MSRA: variants seen among roughly 807,000 people sequenced by gnomAD.
MSRA encodes the protein methionine sulfoxide reductase A.
MSRA carries 54 observed loss-of-function variants against 31.3 expected under a neutral mutation model. The observed-to-expected ratio is 1.73, with a 90% CI of 1.39 to 2.17. MSRA has a LOEUF of 2.17. Ranked by LOEUF, MSRA falls within the 30% of genes most tolerant of loss-of-function variation. The probability of loss-of-function intolerance (pLI) is 0.00; values close to 1 mark genes in which losing one functional copy is unlikely to be tolerated. For synonymous variants in MSRA, 169 were observed against 116.5 expected (o/e 1.45, Z -2.90); for missense variants, 507 against 300.9 (o/e 1.69, Z -5.07).
At chr8:10,109,690 C>G (rs546556532) in intron 1 of MSRA, among the ~76,000 whole-genome samples, 88 of 152,272 alleles carry the variant, frequency 5.8e-4, no homozygotes, top group African/African-American at 2.0e-3. Context: ...TGTTTTGAAA[C>G]TATATCACAC....
At chr8:10,316,527 CCTCTCTCTCTCT>C (rs139421344) in intron 4 of MSRA, among the ~76,000 whole-genome samples, 4,216 of 112,588 alleles carry the variant, frequency 0.037, 100 homozygotes, top group South Asian at 0.073. Flanking sequence ...TTTGATGATC[CCTCTCTCTCTCT>C]CTCTCTCTCT....
chr8:10,188,904 A>G (rs1050706343), intron 1 of MSRA, among the ~76,000 whole-genome samples: 1 of 152,226 alleles, frequency 6.6e-6, no homozygotes, highest in Admixed American at 6.5e-5. Context: ...AATGTCTACA[A>G]AAACCTTTCT....
intron 1 of MSRA, among the ~76,000 whole-genome samples, chr8:10,107,070 G>T (rs762231623): frequency 6.6e-6 from 1 of 152,100 alleles, no homozygotes; most frequent in Non-Finnish European, 1.5e-5. Context: ...ACAGATAACC[G>T]CTGCCATCAC....
chr8:10,076,091 C>G (rs1168133063), intron 1 of MSRA, among the ~76,000 whole-genome samples: 3 of 148,780 alleles, frequency 2.0e-5, no homozygotes, highest in African/African-American at 4.9e-5. Context: ...CATGTGCTTA[C>G]TGGCTGTGTG....
chr8:10,188,255 CT>C (rs1422788267), intron 1 of MSRA, among the ~76,000 whole-genome samples: 3 of 152,218 alleles, frequency 2.0e-5, no homozygotes, highest in East Asian at 1.9e-4. Context: ...ATTGTGTGCA[CT>C]TTTTTTGGTG....
intron 5 of MSRA, among the ~76,000 whole-genome samples, chr8:10,392,890 CAAAAAA>C (rs869085304): frequency 2.4e-3 from 276 of 113,248 alleles, no homozygotes; most frequent in Non-Finnish European, 3.1e-3. Context: ...ACTAAAAATG[CAAAAAA>C]AAAAAAAAAA....
At chr8:10,159,956 G>C in intron 1 of MSRA, among the ~76,000 whole-genome samples, 1 of 152,202 alleles carries the variant, frequency 6.6e-6, no homozygotes, top group South Asian at 2.1e-4. Flanking sequence ...AGTTTCCTTT[G>C]GTTTTCCCCA....
intron 1 of MSRA, among the ~76,000 whole-genome samples, chr8:10,201,258 T>C (rs948124535): frequency 1.3e-5 from 2 of 152,072 alleles, no homozygotes; most frequent in African/African-American, 4.8e-5. Flanking sequence ...TCCAGATCCC[T>C]CAGGAGCATG....
At chr8:10,384,861 G>T (rs909820205) in intron 5 of MSRA, among the ~76,000 whole-genome samples, 2 of 152,116 alleles carry the variant, frequency 1.3e-5, no homozygotes, top group African/African-American at 4.8e-5. Flanking sequence ...AATTAGCTGG[G>T]TGTTGTAGCG....
intron 3 of MSRA, among the ~76,000 whole-genome samples, chr8:10,261,449 A>AT (rs1484736215): frequency 6.6e-6 from 1 of 151,714 alleles, no homozygotes; most frequent in Non-Finnish European, 1.5e-5. Flanking sequence ...TGATCCCAGC[A>AT]TTTTGGGAGG....
At chr8:10,171,182 G>A (rs1039967165) in intron 1 of MSRA, among the ~76,000 whole-genome samples, 9 of 152,198 alleles carry the variant, frequency 5.9e-5, no homozygotes, top group African/African-American at 2.2e-4. Context: ...GAGAAGCTGG[G>A]CCAGATGTAG....
rs578169066 is a variant in MSRA at position 10,329,046 on chromosome 8, T to C, written c.543+9057T>C. Reference sequence around the variant, plus strand: ...AACTCTCTTGACACCGAAGTTGCTATTATGATCGTACAACATTATTTGGTA... The same window carrying C: ...AACTCTCTTGACACCGAAGTTGCTACTATGATCGTACAACATTATTTGGTA... On this transcript the variant is annotated intron_variant, in intron 5 of 5. Coordinates refer to ENST00000317173, the MANE Select transcript of MSRA (RefSeq NM_012331.5). 2.6e-4 allele frequency among the ~76,000 whole-genome samples: 40 copies of C among 152,350 alleles called. No homozygotes were observed. The South Asian group carries it at 8.3e-3, about 32-fold the overall frequency.
intron 5 of MSRA, among the ~76,000 whole-genome samples, chr8:10,405,464 TAAAG>T (rs1357944035): frequency 2.0e-5 from 3 of 152,194 alleles, no homozygotes; most frequent in Admixed American, 6.5e-5. Context: ...GCCAGATTCT[TAAAG>T]AGAGAGAGAG....
chr8:10,294,723 C>T (rs1039177722), intron 3 of MSRA, among the ~76,000 whole-genome samples: 1 of 152,160 alleles, frequency 6.6e-6, no homozygotes, highest in Non-Finnish European at 1.5e-5. Context: ...GCACTGCGGG[C>T]TACAGCAGAG....
intron 1 of MSRA, among the ~76,000 whole-genome samples, chr8:10,123,980 G>A (rs527654063): frequency 2.0e-5 from 3 of 151,842 alleles, no homozygotes; most frequent in Non-Finnish European, 4.4e-5. Context: ...TCAGGGAGGA[G>A]TAGGTGTGAA....
At chr8:10,151,269 A>C (rs796332427) in intron 1 of MSRA, among the ~76,000 whole-genome samples, 2 of 147,800 alleles carry the variant, frequency 1.4e-5, no homozygotes, top group Non-Finnish European at 3.0e-5. Flanking sequence ...CTCAAAAAAA[A>C]AAAAAAAAAA....
In MSRA at chr8:10,283,927, C is replaced by T. The variant is rs138126489; in HGVS notation, c.332-17607C>T. ...TTGATGGGCATTTGGATTGGTTCTG[C>T]ATTTTGCAATTGTGAATTGTGCTGC... On this transcript the variant is annotated intron_variant, in intron 3 of 5. Transcript: ENST00000317173. 6.7e-3 allele frequency among the ~76,000 whole-genome samples: 994 copies of T among 147,524 alleles called. 13 individuals carry two copies. Among genetic ancestry groups the T allele is most frequent in the East Asian group, 0.038 (185 of 4,930 alleles).
At chr8:10,119,678 C>A (rs1478945153) in intron 1 of MSRA, among the ~76,000 whole-genome samples, 2 of 152,146 alleles carry the variant, frequency 1.3e-5, no homozygotes, top group East Asian at 3.8e-4. Flanking sequence ...TATTGGAGAG[C>A]ACCAGGTTGT....
chr8:10,150,637 C>T (rs902177903), intron 1 of MSRA, among the ~76,000 whole-genome samples: 8 of 152,096 alleles, frequency 5.3e-5, no homozygotes, highest in East Asian at 1.9e-4. Flanking sequence ...ATTATGGCCT[C>T]GTTTGATTGA....
Sources: allele counts gnomAD v4.1 joint callset (sites outside exome capture counted in the v4.1 genomes callset), GRCh38; gene constraint gnomAD v4.1.1; transcripts MANE v1.5; gene names NCBI Gene and HGNC (gene_info 2026-07-23, HGNC 2026-07-21).